Variants in POLR3G observed in about 807,000 individuals in gnomAD.
The protein encoded by POLR3G is DNA-directed RNA polymerase III subunit RPC7.
A neutral mutation model predicts 30.1 loss-of-function variants in POLR3G; 28 were observed. The observed-to-expected ratio is 0.93, with a 90% CI of 0.69 to 1.27. The LOEUF (loss-of-function observed/expected upper bound fraction) is 1.27, where lower values mean the gene tolerates loss of function less well. Among genes scored for constraint, POLR3G ranks in the 50% most tolerant of loss-of-function variants. The probability of loss-of-function intolerance (pLI) is 0.00; values close to 1 mark genes in which losing one functional copy is unlikely to be tolerated. For missense variants in POLR3G, 254 were observed against 264.6 expected, an observed-to-expected ratio of 0.96 and a Z score of 0.28; for synonymous variants, 79 against 82.5, an observed-to-expected ratio of 0.96 and a Z score of 0.23.
At chr5:90,474,281 G>C (rs1273460030), upstream of POLR3G, 41 of 1,613,012 alleles carry the variant, frequency 2.5e-5, no homozygotes, top group Non-Finnish European at 3.1e-5. Flanking sequence ...CGTACCACTC[G>C]AGCGCCGACA....
chr5:90,508,818 C>A (rs1355076477), intron 7 of POLR3G, among the ~76,000 whole-genome samples: 1 of 152,144 alleles, frequency 6.6e-6, no homozygotes, highest in Non-Finnish European at 1.5e-5. Flanking sequence ...AATCCCAGCA[C>A]TTTGGGAGGC....
chr5:90,474,132 G>A (rs1401490789), upstream of POLR3G: 25 of 1,586,180 alleles, frequency 1.6e-5, no homozygotes, highest in Admixed American at 4.2e-4. Flanking sequence ...CAGGTACTCC[G>A]GGAGGCTGCG....
chr5:90,497,869 G>T, intron 5 of POLR3G, 163 bp downstream of exon 5: 1 of 833,568 alleles, frequency 1.2e-6, no homozygotes, highest in Non-Finnish European at 1.7e-6. Flanking sequence ...ATTTCGGGAG[G>T]CTGAGGTGGG....
intron 5 of POLR3G, among the ~76,000 whole-genome samples, chr5:90,501,249 AT>A (rs1244567999): frequency 2.6e-5 from 4 of 152,282 alleles, no homozygotes; most frequent in Non-Finnish European, 5.9e-5. Context: ...AGGCAGAAGT[AT>A]TTTTATTTTA....
chr5:90,494,535 C>G (rs929483922), intron 3 of POLR3G, among the ~76,000 whole-genome samples: 4 of 151,956 alleles, frequency 2.6e-5, no homozygotes, highest in African/African-American at 9.7e-5. Context: ...TCCAATTTTT[C>G]CATATCCTTG....
chr5:90,478,335 C>G (rs533061658), intron 1 of POLR3G, among the ~76,000 whole-genome samples: 3 of 152,152 alleles, frequency 2.0e-5, no homozygotes, highest in African/African-American at 7.2e-5. Flanking sequence ...TTAATTGAGT[C>G]TGTTTTGCAG....
At chr5:90,489,245 T>C (rs1173197351) in intron 3 of POLR3G, among the ~76,000 whole-genome samples, 1 of 151,562 alleles carries the variant, frequency 6.6e-6, no homozygotes, top group Non-Finnish European at 1.5e-5. Flanking sequence ...ATATTTTATC[T>C]CAAAAATACT....
intron 1 of POLR3G, among the ~76,000 whole-genome samples, chr5:90,479,300 C>A (rs111729361): frequency 0.016 from 2,368 of 152,178 alleles, 73 homozygotes; most frequent in African/African-American, 0.055. Context: ...GGTGAAACCC[C>A]CATCTTTACT....
chr5:90,495,679 A>G lies in POLR3G; in HGVS notation c.250A>G (p.Ile84Val). ...TTCTTTATTCTTTTTTCCCCTAGAT[A>G]TTGAAAGGTATAGTAAAAGATACAT... ...FIETPEERQD[I>V]ERYSKRYMKV... The change falls in exon 4 of 8, where the codon ATT (isoleucine) becomes GTT (valine). Residue 84 changes from isoleucine (I) to valine (V), a missense_variant and splice_region_variant. Coordinates refer to ENST00000651687, the MANE Select transcript of POLR3G (RefSeq NM_006467.3). The G allele has an allele frequency of 6.2e-7, 1 of 1,601,758 alleles. No individual in the cohort carries two copies. Among genetic ancestry groups the G allele is most frequent in the Non-Finnish European group, 8.5e-7 (1 of 1,174,312 alleles).
chr5:90,488,266 A>T (rs555775154), intron 3 of POLR3G, 137 bp downstream of exon 3: 1 of 657,366 alleles, frequency 1.5e-6, no homozygotes, highest in Non-Finnish European at 2.2e-6. Context: ...AAAGCTATTT[A>T]TGTTGCTTTA....
intron 3 of POLR3G, among the ~76,000 whole-genome samples, chr5:90,489,448 TAG>T (rs2151905396): frequency 6.6e-6 from 1 of 151,614 alleles, no homozygotes; most frequent in African/African-American, 2.4e-5. Context: ...GTATTTTTAA[TAG>T]AGATGTTTCA....
intron 1 of POLR3G, among the ~76,000 whole-genome samples, chr5:90,479,649 G>A (rs56192610): frequency 6.6e-6 from 1 of 151,972 alleles, no homozygotes; most frequent in African/African-American, 2.4e-5. Context: ...CTTTCCAAGA[G>A]CAATGTGGGA....
chr5:90,487,516 C>T (rs915743860), intron 2 of POLR3G, among the ~76,000 whole-genome samples: 1 of 150,940 alleles, frequency 6.6e-6, no homozygotes, highest in Non-Finnish European at 1.5e-5. Flanking sequence ...CTCAGCCTCC[C>T]GAGTAGCTGG....
In POLR3G at chr5:90,487,378, A is replaced by ATTTTTT. The variant is rs59951999; in HGVS notation, c.118-598_118-593dup. Among the ~76,000 whole-genome samples the ATTTTTT allele has an allele frequency of 3.6e-3, 205 of 57,052 alleles. 10 individuals are homozygous for ATTTTTT. The highest frequency in any genetic ancestry group is 4.6e-3 in the Non-Finnish European group (150 of 32,888). 37.4% of individuals were successfully genotyped at this position (57,052 alleles called of 152,430 possible). On this transcript the variant is annotated intron_variant, in intron 2 of 7. Coordinates refer to ENST00000651687, the MANE Select transcript of POLR3G (RefSeq NM_006467.3). ...TTTTCTTTTTTTTTTTGGTACATTA[A>ATTTTTT]TTTTTTTTTTTTTTTTTTTTTTTTT... is the stretch of plus-strand genomic sequence containing the variant.
intron 4 of POLR3G, among the ~76,000 whole-genome samples, chr5:90,496,381 A>G (rs1035877680): frequency 3.9e-5 from 6 of 152,250 alleles, no homozygotes; most frequent in African/African-American, 1.2e-4. Flanking sequence ...CACAAATACT[A>G]TGCTCCTGAG....
rs377601793 is a variant in POLR3G, at chr5:90,502,254, C to T, written c.438+266C>T. 19 of 982,488 alleles carry T rather than the reference C, an allele frequency of 1.9e-5. No individual in the cohort carries two copies. The East Asian group carries it at 3.4e-4, about 18-fold the overall frequency. 60.9% of individuals were successfully genotyped at this position (982,488 alleles called of 1,614,324 possible). On this transcript the variant is annotated intron_variant, in intron 6 of 7. Transcript: ENST00000651687. ...TTCTTTTTCACTGTATCCCCCTTTC[C>T]GCTTATATTTGAATCATGCAGGCAG...
intron 1 of POLR3G, among the ~76,000 whole-genome samples, chr5:90,479,012 GA>G (rs1750989453): frequency 6.6e-6 from 1 of 151,184 alleles, no homozygotes. Flanking sequence ...AAGAAAGGGG[GA>G]AAAAAGCCTT....
At chr5:90,484,313 T>A (rs1029389010) in intron 1 of POLR3G, among the ~76,000 whole-genome samples, 1 of 152,160 alleles carries the variant, frequency 6.6e-6, no homozygotes, top group Non-Finnish European at 1.5e-5. Context: ...TGAGAACCAT[T>A]GCTCTAGTTT....
chr5:90,488,206 A>G lies in POLR3G; in HGVS notation c.247+77A>G, dbSNP rs1017044214. ...GTGTTTAAGCACAAGATATATAATC[A>G]TTTAATGTTGATTGATTCGATTCAA... On this transcript the variant is annotated intron_variant, in intron 3 of 7. Coordinates refer to ENST00000651687, the MANE Select transcript of POLR3G (RefSeq NM_006467.3). The G allele has an allele frequency of 2.7e-5, 32 of 1,201,166 alleles. No homozygotes were observed. In the African/African-American group the frequency reaches 4.7e-4, roughly 18 times the overall value. 74.4% of individuals were successfully genotyped at this position (1,201,166 alleles called of 1,614,324 possible). A position where few individuals can be genotyped will look rare whatever the true frequency, so the allele number is the denominator to read the frequency against.
Sources: allele counts gnomAD v4.1 joint callset (sites outside exome capture counted in the v4.1 genomes callset), GRCh38; gene constraint gnomAD v4.1.1; transcripts MANE v1.5; gene names NCBI Gene and HGNC (gene_info 2026-07-23, HGNC 2026-07-21).